AGPAT5: variants seen among roughly 807,000 people sequenced by gnomAD.
AGPAT5 encodes 1-acylglycerol-3-phosphate O-acyltransferase 5.
Under a neutral mutation model 45.6 loss-of-function variants are expected in AGPAT5, and 46 were observed. That is an observed-to-expected ratio of 1.01 (90% CI 0.80 to 1.29). The LOEUF is 1.29. AGPAT5 is among the 50% of genes most tolerant of loss of function. AGPAT5 has a pLI of 0.00. For missense variants in AGPAT5, 673 were observed against 450.7 expected, an observed-to-expected ratio of 1.49 and a Z score of -4.47; for synonymous variants, 272 against 167.0, an observed-to-expected ratio of 1.63 and a Z score of -4.85.
At chr8:6,719,457 G>A (rs1279882660) in intron 1 of AGPAT5, among the ~76,000 whole-genome samples, 6 of 152,128 alleles carry the variant, frequency 3.9e-5, no homozygotes, top group Non-Finnish European at 7.3e-5. Context: ...ATTCCCACCC[G>A]GAACAGGAAT....
chr8:6,746,027 G>C (rs540009281), intron 5 of AGPAT5: 1 of 142,370 alleles, frequency 7.0e-6, no homozygotes, highest in African/African-American at 2.7e-5. Flanking sequence ...TCCCTCACTC[G>C]TTCTCTCTTG....
chr8:6,748,002 C>A (rs1227378939), intron 6 of AGPAT5, among the ~76,000 whole-genome samples, 174 bp downstream of exon 6: 1 of 152,172 alleles, frequency 6.6e-6, no homozygotes, highest in African/African-American at 2.4e-5. Flanking sequence ...ATTAGTCCTG[C>A]AAAGTGTGGT....
intron 1 of AGPAT5, among the ~76,000 whole-genome samples, chr8:6,716,955 G>C (rs1266842688): frequency 6.6e-6 from 1 of 152,156 alleles, no homozygotes; most frequent in Non-Finnish European, 1.5e-5. Flanking sequence ...ATTTTTGAAT[G>C]GCATAACTAG....
intron 1 of AGPAT5, among the ~76,000 whole-genome samples, chr8:6,720,045 G>C (rs1187834371): frequency 6.6e-6 from 1 of 152,154 alleles, no homozygotes; most frequent in Non-Finnish European, 1.5e-5. Flanking sequence ...AACTGTGAGA[G>C]ACATTCTGGG....
chr8:6,746,341 C>T (rs1212649909), intron 5 of AGPAT5: 1 of 152,194 alleles, frequency 6.6e-6, no homozygotes, highest in East Asian at 1.9e-4. Context: ...GAAGCCTAGT[C>T]ACAAAGCTAT....
At chr8:6,754,141 T>G (rs1258183513) in intron 6 of AGPAT5, among the ~76,000 whole-genome samples, 1 of 152,258 alleles carries the variant, frequency 6.6e-6, no homozygotes, top group East Asian at 1.9e-4. Flanking sequence ...CTTAAATATG[T>G]TAACATTCTT....
chr8:6,722,804 C>T (rs989731569), intron 1 of AGPAT5, among the ~76,000 whole-genome samples: 1 of 151,878 alleles, frequency 6.6e-6, no homozygotes, highest in African/African-American at 2.4e-5. Flanking sequence ...TATTGGCTAC[C>T]TCTGAATTAA....
chr8:6,724,762 G>A (rs368792695), intron 1 of AGPAT5, 108 bp from the exon 2 acceptor site: 4 of 368,874 alleles, frequency 1.1e-5, no homozygotes, highest in Non-Finnish European at 2.0e-5. Context: ...GTTAATCATG[G>A]ATGGAAATAT....
chr8:6,758,011 G>A lies in AGPAT5; in HGVS notation c.*623G>A, dbSNP rs1439888415. On this transcript the variant is annotated 3_prime_UTR_variant, in exon 8 of 8. Coordinates refer to ENST00000285518, the MANE Select transcript of AGPAT5 (RefSeq NM_018361.5). ...GCAAAATAAATTTCTAATATTTATT[G>A]AAATTGCTTAATTTGCACACCCTGT... 1 of 152,162 alleles carries A rather than the reference G, an allele frequency of 6.6e-6. No homozygotes were observed. Among genetic ancestry groups the A allele is most frequent in the Non-Finnish European group, 1.5e-5 (1 of 68,042 alleles). The allele number at this position is 152,162 out of a possible 1,614,324, so 9.4% of individuals were successfully genotyped here. A position where few individuals can be genotyped will look rare whatever the true frequency, so the allele number is the denominator to read the frequency against.
intron 4 of AGPAT5, among the ~76,000 whole-genome samples, chr8:6,741,011 AG>A (rs1447703953): frequency 2.0e-5 from 3 of 152,288 alleles, no homozygotes; most frequent in African/African-American, 7.2e-5. Context: ...TTTCCTAAGC[AG>A]ATAAGCGTAA....
In AGPAT5 at chr8:6,708,847, G is replaced by C; in HGVS notation, c.179G>C (p.Ser60Thr). The C allele has an allele frequency of 6.2e-7, 1 of 1,611,148 alleles. No homozygotes were observed. Residue 60 changes from serine to threonine, a missense_variant, in exon 1 of 8, where the codon AGC becomes ACC. Coordinates refer to ENST00000285518, the MANE Select transcript of AGPAT5 (RefSeq NM_018361.5). ...GACCGGCTCTACTGCGTCTACCAGA[G>C]CATGGTGCTCTTCTTCTTCGAGAAT... ...LDDRLYCVYQ[S>T]MVLFFFENYT...
At chr8:6,756,043 C>A (rs1801821626) in intron 7 of AGPAT5, among the ~76,000 whole-genome samples, 1 of 152,088 alleles carries the variant, frequency 6.6e-6, no homozygotes, top group Non-Finnish European at 1.5e-5. Context: ...TACCTCTGGA[C>A]ATTTTAAAAC....
In AGPAT5 at chr8:6,711,622, C is replaced by T. The variant is rs1054299937; in HGVS notation, c.219+2735C>T. 2.0e-5 allele frequency among the ~76,000 whole-genome samples: 3 copies of T among 152,200 alleles called. No individual in the cohort carries two copies. In the South Asian group the frequency reaches 6.2e-4, roughly 31 times the overall value. ...ACTTTCCTGTGCTGCCAAAACAGAT[C>T]ACCTCAAACTAAGCGGCTTAAAATA... is the stretch of plus-strand genomic sequence containing the variant. On this transcript the variant is annotated intron_variant, in intron 1 of 7. Coordinates refer to ENST00000285518, the MANE Select transcript of AGPAT5 (RefSeq NM_018361.5).
chr8:6,739,686 T>C lies in AGPAT5; in HGVS notation c.496-1975T>C, dbSNP rs541265298. Among the ~76,000 whole-genome samples the C allele has an allele frequency of 3.9e-5, 6 of 152,210 alleles. No homozygotes were observed. The South Asian group carries it at 6.2e-4, about 16-fold the overall frequency. On this transcript the variant is annotated intron_variant, in intron 4 of 7. Coordinates refer to ENST00000285518, the MANE Select transcript of AGPAT5 (RefSeq NM_018361.5). Reference sequence around the variant, plus strand: ...TTAGGATTTCCTACATAAACAATCATGTCATTGTTATAGAAATAACAGTTT... The same window carrying C: ...TTAGGATTTCCTACATAAACAATCACGTCATTGTTATAGAAATAACAGTTT...
rs1317579123 is a variant in AGPAT5 at position 6,757,209 on chromosome 8, A to G, written c.916A>G (p.Arg306Gly). The G allele has an allele frequency of 6.2e-7, 1 of 1,614,152 alleles. No individual in the cohort carries two copies. The highest frequency in any genetic ancestry group is 1.7e-5 in the Admixed American group (1 of 60,024). ...GTCACCAGATCCAGAAAGAAGAAAAAGATTTCCTGGGAAAAGTGTTAATTC... is the reference window on the plus strand; with the variant it reads ...GTCACCAGATCCAGAAAGAAGAAAAGGATTTCCTGGGAAAAGTGTTAATTC... ...YESPDPERRKRFPGKSVNSKL... is the reference protein window; with the variant it reads ...YESPDPERRKGFPGKSVNSKL... Residue 306 changes from arginine (R) to glycine (G), a missense_variant, in exon 8 of 8, where the codon AGA becomes GGA. Coordinates refer to ENST00000285518, the MANE Select transcript of AGPAT5 (RefSeq NM_018361.5).
intron 2 of AGPAT5, among the ~76,000 whole-genome samples, chr8:6,729,919 A>G (rs1458304807): frequency 6.6e-6 from 1 of 152,184 alleles, no homozygotes; most frequent in Non-Finnish European, 1.5e-5. Context: ...CATCATTGTA[A>G]GGCATGTGAG....
chr8:6,722,204 T>C (rs904967775), intron 1 of AGPAT5, among the ~76,000 whole-genome samples: 2 of 152,164 alleles, frequency 1.3e-5, no homozygotes, highest in Non-Finnish European at 2.9e-5. Context: ...AGATGGAAAT[T>C]CATATCACCT....
rs188192369 is a variant in AGPAT5 at position 6,744,363 on chromosome 8, G to A, written c.586+2612G>A. ...TAACGGCACTCTCGCTCTTAAGAAG[G>A]TGTGTTTGCTCCCTGTGGCTGCTCT... is the stretch of plus-strand genomic sequence containing the variant. On this transcript the variant is annotated intron_variant, in intron 5 of 7. Coordinates refer to ENST00000285518, the MANE Select transcript of AGPAT5 (RefSeq NM_018361.5). Among the ~76,000 whole-genome samples the A allele has an allele frequency of 1.0e-3, 152 of 152,324 alleles. 2 individuals carry two copies. In the Middle Eastern group the frequency reaches 0.02, roughly 20 times the overall value.
In AGPAT5 at chr8:6,714,069, A is replaced by T. The variant is rs546887154; in HGVS notation, c.219+5182A>T. On this transcript the variant is annotated intron_variant, in intron 1 of 7. Coordinates refer to ENST00000285518, the MANE Select transcript of AGPAT5 (RefSeq NM_018361.5). ...AGGGAGCTTATAAGTCATCTAGTCT[A>T]CTCCCTTTTATGACACTTCTACATT... Among the ~76,000 whole-genome samples the T allele has an allele frequency of 2.6e-5, 4 of 152,138 alleles. No individual in the cohort carries two copies. The South Asian group carries it at 8.3e-4, about 32-fold the overall frequency.
Sources: gnomAD v4.1 joint callset for allele counts (sites outside exome capture counted in the v4.1 genomes callset) on GRCh38, gnomAD v4.1.1 for gene constraint, MANE v1.5 for transcripts, NCBI Gene and HGNC (gene_info 2026-07-23, HGNC 2026-07-21) for gene names.